Variants in PEAR1 observed in about 807,000 individuals in gnomAD.
The protein encoded by PEAR1 is multiple EGF-like domains protein 12.
PEAR1 carries 113 observed loss-of-function variants against 131.2 expected under a neutral mutation model. The ratio of observed to expected loss-of-function variants is 0.86; its 90% CI spans 0.74 to 1.01. PEAR1 has a LOEUF of 1.01. Among genes scored for constraint, PEAR1 ranks in the 50% least tolerant of loss-of-function variants. The pLI, the probability that PEAR1 is intolerant of heterozygous loss-of-function variation, is 0.00. For synonymous variants in PEAR1, 565 were observed against 523.3 expected (o/e 1.08, Z -1.09); for missense variants, 1,408 against 1,391.1 (o/e 1.01, Z -0.19).
chr1:156,902,946 T>G lies in PEAR1; in HGVS notation c.-9-972T>G, dbSNP rs555796264. Among the ~76,000 whole-genome samples, 9 of 152,160 alleles carry G rather than the reference T, an allele frequency of 5.9e-5. No homozygotes were observed. Among genetic ancestry groups the G allele is most frequent in the Admixed American group, 2.6e-4 (4 of 15,292 alleles). ...AGGGAGGCGGGAGCTTTTCCTTAAA[T>G]GCAAGGCCAGGTTGGTGACCTCTTC... On this transcript the variant is annotated intron_variant, in intron 1 of 22. Coordinates refer to ENST00000292357, the MANE Select transcript of PEAR1 (RefSeq NM_001080471.3). The surrounding 1 kb of genome is among the most constrained non-coding windows in gnomAD (Gnocchi z 4.3).
Position 156,909,677 on chromosome 1 carries a change from A to C in PEAR1, c.1412-74A>C, listed in dbSNP as rs1285959274. On this transcript the variant is annotated intron_variant, in intron 11 of 22. Coordinates refer to ENST00000292357, the MANE Select transcript of PEAR1 (RefSeq NM_001080471.3). ...CAGCTCATAGCATAGAATCTGGCCC[A>C]GCCAGCTCCCACTGTGTGCTTGCTC... is the stretch of plus-strand genomic sequence containing the variant. The C allele has an allele frequency of 2.6e-6, 4 of 1,519,068 alleles. No homozygotes were observed. The African/African-American group carries it at 5.5e-5, about 21-fold the overall frequency. The allele number at this position is 1,519,068 out of a possible 1,614,324, so 94.1% of individuals were successfully genotyped here.
intron 22 of PEAR1, 34 bp downstream of exon 22, chr1:156,914,134 G>C: frequency 6.5e-7 from 1 of 1,536,398 alleles, no homozygotes; most frequent in Non-Finnish European, 8.8e-7. Context: ...AGGAGCAGCA[G>C]AGAACTGGGA....
chr1:156,896,754 G>GGCGGT (rs1240239300), intron 1 of PEAR1, among the ~76,000 whole-genome samples: 4 of 152,232 alleles, frequency 2.6e-5, no homozygotes, highest in Admixed American at 1.3e-4. Context: ...TGAGGGCTCA[G>GGCGGT]GCGGTGTGGG....
At chr1:156,900,605 G>A (rs1450999917) in intron 1 of PEAR1, among the ~76,000 whole-genome samples, 4 of 152,134 alleles carry the variant, frequency 2.6e-5, no homozygotes, top group Non-Finnish European at 5.9e-5. Flanking sequence ...GATGATCCAC[G>A]TAAATCTCTC....
Position 156,913,279 on chromosome 1 carries a change from C to T in PEAR1, c.2508C>T (p.Asn836=). ...SQCSPNPPPP[N]KVPGPLFASL... is the part of the protein sequence containing the mutation. ...GCTCCCCAAACCCCCCACCCCCTAACAAGGTCAGTGCCGGGGGAGGGGGTG... is the reference window on the plus strand; with the variant it reads ...GCTCCCCAAACCCCCCACCCCCTAATAAGGTCAGTGCCGGGGGAGGGGGTG... Residue 836 remains asparagine (N), a synonymous_variant, in exon 19 of 23, where the codon AAC becomes AAT. Coordinates refer to ENST00000292357, the MANE Select transcript of PEAR1 (RefSeq NM_001080471.3). 4 of 1,604,716 alleles carry T rather than the reference C, an allele frequency of 2.5e-6. No individual in the cohort carries two copies. The highest frequency in any genetic ancestry group is 3.4e-6 in the Non-Finnish European group (4 of 1,175,126).
Position 156,906,469 on chromosome 1 carries a change from A to G in PEAR1, c.400+101A>G, listed in dbSNP as rs572199712. 1.1e-4 allele frequency: 163 copies of G among 1,535,900 alleles called. 1 individual carries two copies. In the East Asian group the frequency reaches 3.7e-3, roughly 35 times the overall value. Reference sequence around the variant, plus strand: ...CCAGGGCACAGGGGCTTAGGACCCCAGGGCGATTACCCGCCAGAGCCCCAT... The same window carrying G: ...CCAGGGCACAGGGGCTTAGGACCCCGGGGCGATTACCCGCCAGAGCCCCAT... On this transcript the variant is annotated intron_variant, in intron 5 of 22. Transcript: ENST00000292357.
At position 156,912,895 on chromosome 1, in the gene PEAR1, C is replaced by G. The variant is rs774507033; in HGVS notation, c.2335C>G (p.Arg779Gly). ...CCTGGTGGCACTGTTCATTGGCTAT[C>G]GGCACTGGCAAAAAGGCAAGGAGCA... is the stretch of plus-strand genomic sequence containing the variant. ...VALVALFIGYRHWQKGKEHHH... is the reference protein window; with the variant it reads ...VALVALFIGYGHWQKGKEHHH... Residue 779 changes from arginine to glycine, a missense_variant, in exon 18 of 23, where the codon CGG becomes GGG. Coordinates refer to ENST00000292357, the MANE Select transcript of PEAR1 (RefSeq NM_001080471.3). 9.9e-6 allele frequency: 16 copies of G among 1,614,052 alleles called. No homozygotes were observed. In the South Asian group the frequency reaches 1.8e-4, roughly 18 times the overall value.
rs536585217 is a variant in PEAR1 at position 156,900,035 on chromosome 1, G to T, written c.-9-3883G>T. Among the ~76,000 whole-genome samples, 22 of 151,880 alleles carry T rather than the reference G, an allele frequency of 1.4e-4. No individual in the cohort carries two copies. The South Asian group carries it at 4.4e-3, about 30-fold the overall frequency. ...ACACTCAATTCCTTCCTCCTAGGAGGGGTTGGGGCACAGTGAGGGTAGGGG... is the reference window on the plus strand; with the variant it reads ...ACACTCAATTCCTTCCTCCTAGGAGTGGTTGGGGCACAGTGAGGGTAGGGG... On this transcript the variant is annotated intron_variant, in intron 1 of 22. Coordinates refer to ENST00000292357, the MANE Select transcript of PEAR1 (RefSeq NM_001080471.3).
At chr1:156,903,109 C>T (rs1649852663) in intron 1 of PEAR1, among the ~76,000 whole-genome samples, 1 of 152,098 alleles carries the variant, frequency 6.6e-6, no homozygotes, top group Non-Finnish European at 1.5e-5. Flanking sequence ...TGATTTCAAG[C>T]TACTCACGTG....
At position 156,908,759 on chromosome 1, in the gene PEAR1, A is replaced by G. The variant is rs927832343; in HGVS notation, c.1220A>G (p.His407Arg). 1.3e-6 allele frequency: 2 copies of G among 1,589,430 alleles called. No homozygotes were observed. Among genetic ancestry groups the G allele is most frequent in the Non-Finnish European group, 1.7e-6 (2 of 1,170,716 alleles). The change falls in exon 10 of 23, where the codon CAC becomes CGC. Residue 407 changes from histidine to arginine, a missense_variant. Coordinates refer to ENST00000292357, the MANE Select transcript of PEAR1 (RefSeq NM_001080471.3). This position sits in a 1 kb window ranked among gnomAD's most constrained non-coding sequence, Gnocchi z 4.2. Reference sequence around the variant, plus strand: ...ACGCATGGGCCAGGGTGCCAGGAGCACTGTCTCTGCCTGCACGGTGGCGTC... The same window carrying G: ...ACGCATGGGCCAGGGTGCCAGGAGCGCTGTCTCTGCCTGCACGGTGGCGTC... ...QDTHGPGCQE[H>R]CLCLHGGVCQ...
At position 156,915,278 on chromosome 1, in the gene PEAR1, C is replaced by A. The variant is rs574472044; in HGVS notation, c.*480C>A. On this transcript the variant is annotated 3_prime_UTR_variant, in exon 23 of 23. Transcript: ENST00000292357. ...TGGCCTCCTCCATTGATTCAGTGAA[C>A]CTTCCAATGCATGGCTCATAATTTC... 163 of 153,394 alleles carry A rather than the reference C, an allele frequency of 1.1e-3. 1 individual carries two copies. The highest frequency in any genetic ancestry group is 3.8e-3 in the African/African-American group (159 of 41,620). The allele number at this position is 153,394 out of a possible 1,614,324, so 9.5% of individuals were successfully genotyped here.
rs755382085 is a variant in PEAR1 at position 156,908,198 on chromosome 1, G to A, written c.973G>A (p.Ala325Thr). ...TGAGACGTGCGACTGCGCCCCGGAC[G>A]CCCGTTGCTTCCCGGCCAACGGCGC... is the stretch of plus-strand genomic sequence containing the variant. ...CAETCDCAPD[A>T]RCFPANGACL... is the part of the protein sequence containing the mutation. The change falls in exon 9 of 23, where the codon GCC (alanine) becomes ACC (threonine). Residue 325 changes from alanine to threonine, a missense_variant. Physicochemically the swap from Ala to Thr is moderately conservative, Grantham distance 58 (BLOSUM62 0). Transcript: ENST00000292357. The surrounding 1 kb of genome is among the most constrained non-coding windows in gnomAD (Gnocchi z 4.2). 3 of 1,603,128 alleles carry A rather than the reference G, an allele frequency of 1.9e-6. No homozygotes were observed. Among genetic ancestry groups the A allele is most frequent in the Non-Finnish European group, 2.5e-6 (3 of 1,178,950 alleles).
chr1:156,894,370 T>C (rs1570926617), intron 1 of PEAR1, among the ~76,000 whole-genome samples: 2 of 152,294 alleles, frequency 1.3e-5, no homozygotes, highest in Middle Eastern at 6.8e-3. Flanking sequence ...ACCTCATGGG[T>C]TGTGAGGCTT....
chr1:156,910,653 C>G lies in PEAR1; in HGVS notation c.1861C>G (p.Pro621Ala). Residue 621 changes from proline (P) to alanine (A), a missense_variant, in exon 15 of 23, where the codon CCC becomes GCC. Transcript: ENST00000292357. ...TGGCCGCTATGGCAAACGCTGTGTG[C>G]CCTGCAAGTGCGCTAACCACTCCTT... Reference protein sequence around the residue: ...QPGRYGKRCVPCKCANHSFCH... With the variant: ...QPGRYGKRCVACKCANHSFCH... 6.2e-7 allele frequency: 1 copy of G among 1,614,136 alleles called. No homozygotes were observed. Among genetic ancestry groups the G allele is most frequent in the South Asian group, 1.1e-5 (1 of 91,080 alleles).
chr1:156,911,253 C>T (rs1449883562), intron 15 of PEAR1, among the ~76,000 whole-genome samples: 4 of 105,644 alleles, frequency 3.8e-5, no homozygotes, highest in Non-Finnish European at 6.0e-5. Context: ...TTCTTTCTTT[C>T]TTCTTTTCTC....
intron 6 of PEAR1, among the ~76,000 whole-genome samples, chr1:156,907,344 C>T (rs1650443227): frequency 6.6e-6 from 1 of 152,196 alleles, no homozygotes; most frequent in Admixed American, 6.5e-5. Flanking sequence ...AGTGAACAGA[C>T]CAAGCCAAGG....
chr1:156,906,360 G>C lies in PEAR1; in HGVS notation c.392G>C (p.Cys131Ser). The stretch of plus-strand genomic sequence containing the variant: ...GTGCCAGGCTGGCGGGGCGACGACT[G>C]TTCCAGTGGTGAGTGGCTACTGACC... ...QCVPGWRGDD[C>S]SSECAPGMWG... Residue 131 changes from cysteine (C) to serine (S), a missense_variant, in exon 5 of 23, where the codon TGT (cysteine) becomes TCT (serine). Physicochemically the swap from Cys to Ser is moderately radical, Grantham distance 112. Coordinates refer to ENST00000292357, the MANE Select transcript of PEAR1 (RefSeq NM_001080471.3). 6.2e-7 allele frequency: 1 copy of C among 1,614,218 alleles called. No homozygotes were observed. The highest frequency in any genetic ancestry group is 8.5e-7 in the Non-Finnish European group (1 of 1,180,018).
At position 156,909,047 on chromosome 1, in the gene PEAR1, G is replaced by A. The variant is rs1363686376; in HGVS notation, c.1411+11G>A. 9 of 1,613,758 alleles carry A rather than the reference G, an allele frequency of 5.6e-6. No homozygotes were observed. The highest frequency in any genetic ancestry group is 3.3e-4 in the Middle Eastern group (2 of 6,060). ...GCGTCTGCAAGGAAGGTAATAGGGT[G>A]GAGTTTCCCAGAGAGAAGACTTGGG... On this transcript the variant is annotated intron_variant, in intron 11 of 22. Coordinates refer to ENST00000292357, the MANE Select transcript of PEAR1 (RefSeq NM_001080471.3).
At chr1:156,900,125 C>T (rs933504875) in intron 1 of PEAR1, among the ~76,000 whole-genome samples, 2 of 152,156 alleles carry the variant, frequency 1.3e-5, no homozygotes, top group African/African-American at 2.4e-5. Flanking sequence ...GTGATCTGGT[C>T]TTCTGTGTGG....
Sources: allele counts gnomAD v4.1 joint callset (sites outside exome capture counted in the v4.1 genomes callset), GRCh38; gene constraint gnomAD v4.1.1; non-coding constraint Gnocchi (gnomAD v3.1); transcripts MANE v1.5; gene names NCBI Gene and HGNC (gene_info 2026-07-23, HGNC 2026-07-21).